The following MYRFL variants were observed in gnomAD, a reference collection of about 807,000 sequenced individuals.
The protein encoded by MYRFL is myelin regulatory factor-like protein.
A neutral mutation model predicts 109.4 loss-of-function variants in MYRFL; 88 were observed. The observed-to-expected ratio is 0.80, with a 90% confidence interval of 0.68 to 0.96. The LOEUF is 0.96. MYRFL is among the 40% of genes least tolerant of loss of function. The probability of loss-of-function intolerance (pLI) is 0.00; values close to 1 mark genes in which losing one functional copy is unlikely to be tolerated. For synonymous variants in MYRFL, 324 were observed against 320.9 expected (o/e 1.01, Z -0.10); for missense variants, 957 against 954.9 (o/e 1.00, Z -0.03).
At chr12:69,875,890 G>A (rs1169274331) in intron 2 of MYRFL, among the ~76,000 whole-genome samples, 1 of 152,154 alleles carries the variant, frequency 6.6e-6, no homozygotes, top group African/African-American at 2.4e-5. Flanking sequence ...GTGAATGGCT[G>A]GATTCTTTTA....
intron 6 of MYRFL, among the ~76,000 whole-genome samples, chr12:69,887,303 C>T (rs1886516289): frequency 6.6e-6 from 1 of 152,160 alleles, no homozygotes; most frequent in African/African-American, 2.4e-5. Context: ...CTTAATCCTG[C>T]AGTTAACTTA....
At chr12:69,893,310 A>T (rs1449553235) in intron 7 of MYRFL, among the ~76,000 whole-genome samples, 2 of 152,220 alleles carry the variant, frequency 1.3e-5, no homozygotes, top group African/African-American at 4.8e-5. Flanking sequence ...TATATTGTAT[A>T]TCATTGTTTC....
At chr12:69,829,818 A>T (rs947772080) in intron 1 of MYRFL, among the ~76,000 whole-genome samples, 1 of 152,162 alleles carries the variant, frequency 6.6e-6, no homozygotes, top group Non-Finnish European at 1.5e-5. Flanking sequence ...AACAACTTTG[A>T]TTAGCTGGTT....
In MYRFL at chr12:69,871,333, C is replaced by T. The variant is rs536422514; in HGVS notation, c.138-7695C>T. Among the ~76,000 whole-genome samples, 698 of 150,732 alleles carry T rather than the reference C, an allele frequency of 4.6e-3. 8 individuals carry two copies. Among genetic ancestry groups the T allele is most frequent in the African/African-American group, 0.016 (643 of 41,138 alleles). On this transcript the variant is annotated intron_variant, in intron 2 of 24. Coordinates refer to ENST00000552032, the MANE Select transcript of MYRFL (RefSeq NM_182530.3). ...CTGCAAGCTCCGCCTCCCGGGTTCA[C>T]GCCATTCTGCCTCAGCCTCCCGAGT...
chr12:69,956,077 G>T (rs1430417944), intron 22 of MYRFL, among the ~76,000 whole-genome samples: 2 of 151,770 alleles, frequency 1.3e-5, no homozygotes, highest in African/African-American at 4.8e-5. Context: ...CTATATGCCA[G>T]ACTTTAATAC....
chr12:69,830,264 C>T (rs1240249), intron 1 of MYRFL, among the ~76,000 whole-genome samples: 112,993 of 150,768 alleles, frequency 0.75, 43,647 homozygotes, highest in Non-Finnish European at 0.86. Context: ...CACAGATATA[C>T]ATAGATATAG....
intron 16 of MYRFL, among the ~76,000 whole-genome samples, chr12:69,933,245 G>A (rs578113723): frequency 1.3e-5 from 2 of 152,320 alleles, no homozygotes; most frequent in African/African-American, 2.4e-5. Context: ...AGAATGCAGG[G>A]CCCTTTCTCA....
chr12:69,872,981 T>C (rs1885441704), intron 2 of MYRFL, among the ~76,000 whole-genome samples: 1 of 152,208 alleles, frequency 6.6e-6, no homozygotes, highest in Non-Finnish European at 1.5e-5. Context: ...AATGTAATTA[T>C]TAGTATTGCA....
intron 6 of MYRFL, among the ~76,000 whole-genome samples, chr12:69,888,613 C>T (rs1313688019): frequency 6.6e-6 from 1 of 152,158 alleles, no homozygotes; most frequent in Non-Finnish European, 1.5e-5. Flanking sequence ...GAATAATCAT[C>T]AACAGTATAA....
chr12:69,901,770 C>A (rs1173081971), intron 10 of MYRFL, among the ~76,000 whole-genome samples: 1 of 152,120 alleles, frequency 6.6e-6, no homozygotes, highest in East Asian at 1.9e-4. Context: ...AGGGAACTTG[C>A]AGAAAAGCTC....
At position 69,868,924 on chromosome 12, in the gene MYRFL, TCA is replaced by T. The variant is rs1158776150; in HGVS notation, c.138-10100_138-10099del. Among the ~76,000 whole-genome samples, 11 of 151,498 alleles carry T rather than the reference TCA, an allele frequency of 7.3e-5. No homozygotes were observed. The East Asian group carries it at 1.4e-3, about 19-fold the overall frequency. ...CGCACACGCGCACACACACATGTAC[TCA>T]CACGTACACACAGATATGCACTCAC... On this transcript the variant is annotated intron_variant, in intron 2 of 24. Coordinates refer to ENST00000552032, the MANE Select transcript of MYRFL (RefSeq NM_182530.3).
At chr12:69,928,589 C>G (rs534042326) in intron 15 of MYRFL, among the ~76,000 whole-genome samples, 1 of 152,286 alleles carries the variant, frequency 6.6e-6, no homozygotes, top group South Asian at 2.1e-4. Context: ...CTACTAAAAA[C>G]AAGTAAAGTA....
rs11177924 is a variant in MYRFL, at chr12:69,883,775, C to T, written c.557-3045C>T. On this transcript the variant is annotated intron_variant, in intron 5 of 24. Transcript: ENST00000552032. Reference sequence around the variant, plus strand: ...CCTGTGGTCCCAACTACACAGGAGGCTGAGGTGGGAGGAAAGCTTCAGCCC... The same window carrying T: ...CCTGTGGTCCCAACTACACAGGAGGTTGAGGTGGGAGGAAAGCTTCAGCCC... 5.3e-5 allele frequency among the ~76,000 whole-genome samples: 8 copies of T among 151,306 alleles called. No individual in the cohort carries two copies. In the South Asian group the frequency reaches 1.7e-3, roughly 32 times the overall value.
chr12:69,916,089 T>C (rs906353531), intron 13 of MYRFL, among the ~76,000 whole-genome samples: 1 of 152,096 alleles, frequency 6.6e-6, no homozygotes, highest in Admixed American at 6.6e-5. Context: ...TACTTTTTAC[T>C]CATTGATTCT....
intron 5 of MYRFL, among the ~76,000 whole-genome samples, chr12:69,885,896 A>C (rs897091774): frequency 3.3e-5 from 5 of 151,986 alleles, no homozygotes; most frequent in African/African-American, 1.2e-4. Context: ...GTAATGCTGT[A>C]ATGTGTAAAG....
intron 2 of MYRFL, among the ~76,000 whole-genome samples, chr12:69,866,794 C>G (rs538071430): frequency 6.6e-6 from 1 of 152,150 alleles, no homozygotes. Context: ...GGACCAAATG[C>G]TCTATAAAAA....
chr12:69,924,765 AT>A (rs972859250), intron 13 of MYRFL, among the ~76,000 whole-genome samples: 2 of 151,930 alleles, frequency 1.3e-5, no homozygotes, highest in Non-Finnish European at 2.9e-5. Context: ...TACAAGTATG[AT>A]TTTTTTTGTT....
At chr12:69,897,819 G>C (rs1003082825) in intron 10 of MYRFL, among the ~76,000 whole-genome samples, 2 of 152,198 alleles carry the variant, frequency 1.3e-5, no homozygotes, top group Non-Finnish European at 2.9e-5. Context: ...AATGTGATTG[G>C]TAGCACCAGG....
At chr12:69,870,099 CTTTTTTTTTTTTT>C (rs754843682) in intron 2 of MYRFL, among the ~76,000 whole-genome samples, 26 of 81,328 alleles carry the variant, frequency 3.2e-4, no homozygotes, top group Non-Finnish European at 4.9e-4. Flanking sequence ...ATTTTTCTTC[CTTTTTTTTTTTTT>C]TTTTTTTTTT....
Sources: gnomAD v4.1 joint callset for allele counts (sites outside exome capture counted in the v4.1 genomes callset) on GRCh38, gnomAD v4.1.1 for gene constraint, MANE v1.5 for transcripts, NCBI Gene and HGNC (gene_info 2026-07-23, HGNC 2026-07-21) for gene names.